Variants in ARHGEF3 observed in about 807,000 individuals in gnomAD.
ARHGEF3 encodes Rho guanine nucleotide exchange factor 3.
In ARHGEF3, 28 loss-of-function variants were observed where a neutral mutation model predicts 63.2. The ratio of observed to expected loss-of-function variants is 0.44; its 90% CI spans 0.33 to 0.61. The LOEUF is 0.61. ARHGEF3 is among the 20% of genes least tolerant of loss of function. The pLI is 0.03. For missense variants in ARHGEF3, 533 were observed against 659.3 expected (o/e 0.81, Z 2.10); for synonymous variants, 266 against 254.2 (o/e 1.05, Z -0.44).
At position 56,732,518 on chromosome 3, in the gene ARHGEF3, A is replaced by G. The variant is rs907634662; in HGVS notation, c.1042-94T>C. ...GTGGATAAAGAGGTCCCCAGGTACC[A>G]GGTTCACACTGGATTATGAACTCCT... On this transcript the variant is annotated intron_variant, in intron 8 of 9. Transcript: ENST00000296315. 6 of 1,408,900 alleles carry G rather than the reference A, an allele frequency of 4.3e-6. No individual in the cohort carries two copies. In the African/African-American group the frequency reaches 5.7e-5, roughly 13 times the overall value. 87.3% of individuals were successfully genotyped at this position (1,408,900 alleles called of 1,614,324 possible).
intron 2 of ARHGEF3, among the ~76,000 whole-genome samples, chr3:56,965,870 A>C (rs977261484): frequency 1.3e-5 from 2 of 151,992 alleles, no homozygotes; most frequent in African/African-American, 2.4e-5. Context: ...GGATGGTCTC[A>C]ATCTCCTGAC....
chr3:57,078,355 C>A (rs1450694856), intron 1 of ARHGEF3, among the ~76,000 whole-genome samples: 2 of 152,358 alleles, frequency 1.3e-5, no homozygotes, highest in South Asian at 4.1e-4. Context: ...TCGCCCAGTG[C>A]GGGAAGCAAG....
At chr3:56,883,494 G>A (rs562495986) in intron 3 of ARHGEF3, among the ~76,000 whole-genome samples, 62 of 152,032 alleles carry the variant, frequency 4.1e-4, no homozygotes, top group African/African-American at 1.5e-3. Flanking sequence ...AGGGGGTCTT[G>A]CCATGTTGCC....
At chr3:56,951,465 A>G (rs192776098) in intron 3 of ARHGEF3, among the ~76,000 whole-genome samples, 13 of 152,120 alleles carry the variant, frequency 8.5e-5, no homozygotes, top group African/African-American at 1.9e-4. Flanking sequence ...CACACTTAAT[A>G]GACTACAGTA....
At chr3:56,810,880 A>G (rs1161835975) in intron 4 of ARHGEF3, among the ~76,000 whole-genome samples, 1 of 152,234 alleles carries the variant, frequency 6.6e-6, no homozygotes, top group African/African-American at 2.4e-5. Flanking sequence ...TTCGAGTAAC[A>G]TACATAGTGT....
At chr3:57,034,057 A>G (rs1260104972) in intron 2 of ARHGEF3, among the ~76,000 whole-genome samples, 1 of 152,028 alleles carries the variant, frequency 6.6e-6, no homozygotes, top group Non-Finnish European at 1.5e-5. Flanking sequence ...AAGAAAAGTA[A>G]ATAAATAAAT....
intron 7 of ARHGEF3, 112 bp downstream of exon 7, chr3:56,745,093 A>C: frequency 7.3e-7 from 1 of 1,370,634 alleles, no homozygotes; most frequent in Non-Finnish European, 9.9e-7. Flanking sequence ...CTGGAACCCA[A>C]GATTCCTGAG....
chr3:56,782,319 C>G (rs1376242552), intron 1 of ARHGEF3, among the ~76,000 whole-genome samples: 1 of 152,084 alleles, frequency 6.6e-6, no homozygotes. Context: ...GGTTTTTAAC[C>G]CCCAAGGTGA....
At chr3:56,781,350 G>A (rs1180657894) in intron 1 of ARHGEF3, among the ~76,000 whole-genome samples, 1 of 151,720 alleles carries the variant, frequency 6.6e-6, no homozygotes, top group African/African-American at 2.4e-5. Flanking sequence ...GGGTTCAAGC[G>A]ATTCTCCTGC....
chr3:56,767,274 T>C (rs543618241), intron 2 of ARHGEF3, among the ~76,000 whole-genome samples: 1 of 152,204 alleles, frequency 6.6e-6, no homozygotes, highest in East Asian at 1.9e-4. Flanking sequence ...AGTGTGATAG[T>C]CATTTTGTTT....
At chr3:56,844,967 A>G (rs1356941893) in intron 4 of ARHGEF3, among the ~76,000 whole-genome samples, 2 of 152,080 alleles carry the variant, frequency 1.3e-5, no homozygotes, top group Non-Finnish European at 2.9e-5. Flanking sequence ...TGGGTTATGT[A>G]CTCATATTTT....
rs547049644 is a variant in ARHGEF3, at chr3:56,950,504, A to T, written c.129+8319T>A. Among the ~76,000 whole-genome samples the T allele has an allele frequency of 6.6e-5, 10 of 152,262 alleles. No individual in the cohort carries two copies. In the East Asian group the frequency reaches 1.9e-3, roughly 29 times the overall value. On this transcript the variant is annotated intron_variant, in intron 3 of 12. Transcript: ENST00000338458. ...AGACACTTCTCAAAAGAAGACATTT[A>T]TGCAGCCAAAAGACACATGAAAAAA...
intron 1 of ARHGEF3, chr3:57,073,938 T>G: frequency 6.2e-7 from 1 of 1,614,220 alleles, no homozygotes. Context: ...AAGTGAGACC[T>G]GTCAGAGATA....
At chr3:57,038,566 C>A (rs1704053292) in intron 1 of ARHGEF3, among the ~76,000 whole-genome samples, 1 of 152,166 alleles carries the variant, frequency 6.6e-6, no homozygotes, top group Non-Finnish European at 1.5e-5. Context: ...CCTTAGCCTC[C>A]CATGTTAGCT....
At chr3:56,925,212 A>G (rs2042245332) in intron 3 of ARHGEF3, among the ~76,000 whole-genome samples, 1 of 152,204 alleles carries the variant, frequency 6.6e-6, no homozygotes, top group Admixed American at 6.5e-5. Flanking sequence ...GCCTACAACC[A>G]GCATTGGTGG....
intron 4 of ARHGEF3, among the ~76,000 whole-genome samples, chr3:56,866,437 C>T (rs1022373073): frequency 5.9e-5 from 9 of 152,166 alleles, no homozygotes; most frequent in Non-Finnish European, 1.0e-4. Flanking sequence ...GAGGCTGCTC[C>T]ACTCACCCTG....
chr3:56,783,274 G>A (rs1245682097), intron 1 of ARHGEF3, among the ~76,000 whole-genome samples: 1 of 152,130 alleles, frequency 6.6e-6, no homozygotes, highest in Non-Finnish European at 1.5e-5. Flanking sequence ...TTTCCTTCAA[G>A]TCCAAAACAC....
upstream of ARHGEF3, among the ~76,000 whole-genome samples, chr3:56,804,918 G>A (rs2107982803): frequency 1.3e-5 from 2 of 152,168 alleles, no homozygotes; most frequent in South Asian, 4.2e-4. Flanking sequence ...GGCTTGTCTG[G>A]CCACCAAGAA....
At chr3:56,767,918 C>T (rs1014028949) in intron 2 of ARHGEF3, among the ~76,000 whole-genome samples, 29 of 151,764 alleles carry the variant, frequency 1.9e-4, no homozygotes, top group African/African-American at 5.8e-4. Context: ...AGCTAATTTT[C>T]GTGTTTTTTG....
Sources: gnomAD v4.1 joint callset for allele counts (sites outside exome capture counted in the v4.1 genomes callset) on GRCh38, gnomAD v4.1.1 for gene constraint, MANE v1.5 for transcripts, NCBI Gene and HGNC (gene_info 2026-07-23, HGNC 2026-07-21) for gene names.